RBFOX1: variants seen among roughly 807,000 people sequenced by gnomAD.
RBFOX1 encodes the protein RNA binding protein fox-1 homolog 1.
In RBFOX1, 8 loss-of-function variants were observed where a neutral mutation model predicts 57.7. The observed-to-expected ratio is 0.14, with a 90% CI of 0.08 to 0.25. The LOEUF (loss-of-function observed/expected upper bound fraction) is 0.25, where lower values mean the gene tolerates loss of function less well. RBFOX1 is among the 10% of genes least tolerant of loss of function. The pLI is 1.00. For synonymous variants in RBFOX1, 326 were observed against 222.4 expected (o/e 1.47, Z -4.15); for missense variants, 611 against 548.5 (o/e 1.11, Z -1.14).
intron 3 of RBFOX1, among the ~76,000 whole-genome samples, chr16:6,976,973 T>C (rs1012085730): frequency 1.4e-5 from 2 of 143,624 alleles, no homozygotes; most frequent in Non-Finnish European, 3.0e-5. Flanking sequence ...ATATCCTATA[T>C]CACATATCAT....
At position 6,977,272 on chromosome 16, in the gene RBFOX1, G is replaced by C. The variant is rs982441404; in HGVS notation, c.-15-74785G>C. ...CTTGGGCAGATTTGCTCTGCTACAA[G>C]GGTTTGTGATAAAGGATTAATTTTC... On this transcript the variant is annotated intron_variant, in intron 3 of 15. Transcript: ENST00000550418. Among the ~76,000 whole-genome samples, 5 of 150,962 alleles carry C rather than the reference G, an allele frequency of 3.3e-5. No homozygotes were observed. In the Admixed American group the frequency reaches 3.3e-4, roughly 10 times the overall value.
At chr16:5,349,931 C>T (rs1261864850) in intron 1 of RBFOX1, among the ~76,000 whole-genome samples, 2 of 152,134 alleles carry the variant, frequency 1.3e-5, no homozygotes, top group South Asian at 4.1e-4. Flanking sequence ...TGTGCTCCTT[C>T]CCAGCACAAG....
At chr16:5,359,570 T>C (rs1305724466) in intron 1 of RBFOX1, among the ~76,000 whole-genome samples, 1 of 152,244 alleles carries the variant, frequency 6.6e-6, no homozygotes, top group Non-Finnish European at 1.5e-5. Context: ...TTAGGGATGT[T>C]GAGCATCTTT....
At chr16:7,673,079 A>T (rs557703734) in intron 13 of RBFOX1, among the ~76,000 whole-genome samples, 1 of 151,960 alleles carries the variant, frequency 6.6e-6, no homozygotes, top group East Asian at 1.9e-4. Flanking sequence ...TTACTTTCCT[A>T]TGCACTCCAG....
chr16:5,606,685 T>C (rs982764140), intron 3 of RBFOX1, among the ~76,000 whole-genome samples: 4 of 151,698 alleles, frequency 2.6e-5, no homozygotes, highest in Admixed American at 2.6e-4. Flanking sequence ...CTGATTGCTT[T>C]GTAGTGTAGG....
intron 4 of RBFOX1, among the ~76,000 whole-genome samples, chr16:7,310,057 C>T (rs2096274067): frequency 6.6e-6 from 1 of 152,246 alleles, no homozygotes; most frequent in African/African-American, 2.4e-5. Flanking sequence ...GCTTGCCTCA[C>T]CCAGCCCTAT....
rs764717686 is a variant in RBFOX1 at position 5,646,848 on chromosome 16, T to C, written c.318+47887T>C. Among the ~76,000 whole-genome samples, 73 of 152,064 alleles carry C rather than the reference T, an allele frequency of 4.8e-4. 1 individual carries two copies. The highest frequency in any genetic ancestry group is 1.6e-4 in the Non-Finnish European group (11 of 68,018). On this transcript the variant is annotated intron_variant, in intron 3 of 19. Transcript: ENST00000641259. ...CAGGGTTTCACTGTGTTAGCCAGGA[T>C]GGTCTCAATCTCTTGACCTCATGAT...
intron 4 of RBFOX1, among the ~76,000 whole-genome samples, chr16:7,394,655 T>C (rs1165588177): frequency 6.6e-6 from 1 of 152,180 alleles, no homozygotes; most frequent in African/African-American, 2.4e-5. Context: ...CCACCTCCCT[T>C]TTCAGTTTAC....
intron 2 of RBFOX1, among the ~76,000 whole-genome samples, chr16:6,621,714 C>T (rs765968439): frequency 3.9e-5 from 6 of 152,120 alleles, no homozygotes; most frequent in Non-Finnish European, 7.4e-5. Flanking sequence ...GGCTAATGCT[C>T]GTTAGCTCTG....
At chr16:6,381,458 G>A (rs1326338643) in intron 2 of RBFOX1, among the ~76,000 whole-genome samples, 1 of 152,168 alleles carries the variant, frequency 6.6e-6, no homozygotes, top group Non-Finnish European at 1.5e-5. Context: ...TGATGACCTT[G>A]CAGGAAGTCA....
intron 3 of RBFOX1, among the ~76,000 whole-genome samples, chr16:6,860,402 G>C (rs117720720): frequency 6.6e-6 from 1 of 152,318 alleles, no homozygotes; most frequent in South Asian, 2.1e-4. Context: ...AAATCTGCAA[G>C]TCTTACAAAA....
At chr16:5,333,032 A>G (rs2064799077) in intron 1 of RBFOX1, among the ~76,000 whole-genome samples, 2 of 152,030 alleles carry the variant, frequency 1.3e-5, no homozygotes, top group African/African-American at 2.4e-5. Context: ...TTAAAAATAC[A>G]AAAAAATTAG....
chr16:7,157,165 C>A (rs908065872), intron 4 of RBFOX1, among the ~76,000 whole-genome samples: 2 of 152,190 alleles, frequency 1.3e-5, no homozygotes, highest in African/African-American at 4.8e-5. Flanking sequence ...GCAAACTCAC[C>A]TGAGCATCGT....
At chr16:5,386,051 G>A (rs11862946) in intron 1 of RBFOX1, among the ~76,000 whole-genome samples, 75,788 of 151,552 alleles carry the variant, frequency 0.5, 19,332 homozygotes, top group Non-Finnish European at 0.55. Context: ...AAGGGACTGT[G>A]TTTGCCAAGA....
intron 4 of RBFOX1, among the ~76,000 whole-genome samples, chr16:7,487,127 T>C (rs2065617476): frequency 6.6e-6 from 1 of 152,120 alleles, no homozygotes; most frequent in African/African-American, 2.4e-5. Flanking sequence ...CTCGAACACC[T>C]GACCTCAGGT....
At chr16:7,323,846 G>T (rs1285572804) in intron 4 of RBFOX1, among the ~76,000 whole-genome samples, 2 of 152,176 alleles carry the variant, frequency 1.3e-5, no homozygotes, top group African/African-American at 4.8e-5. Context: ...CCTAGCACAG[G>T]TCTGATACAT....
At chr16:7,433,708 A>G (rs1000274527) in intron 4 of RBFOX1, among the ~76,000 whole-genome samples, 2 of 152,180 alleles carry the variant, frequency 1.3e-5, no homozygotes, top group South Asian at 2.1e-4. Flanking sequence ...CCTTCTGTCC[A>G]TCCATCTGTT....
At chr16:6,637,374 A>T (rs1260244035) in intron 2 of RBFOX1, among the ~76,000 whole-genome samples, 2 of 86,710 alleles carry the variant, frequency 2.3e-5, no homozygotes, top group African/African-American at 1.0e-4. Flanking sequence ...TATAATATAT[A>T]ATATACAAAT....
intron 2 of RBFOX1, among the ~76,000 whole-genome samples, chr16:5,490,382 C>G (rs532004265): frequency 7.2e-5 from 11 of 152,208 alleles, no homozygotes; most frequent in African/African-American, 2.7e-4. Context: ...CTCAGGGGCA[C>G]CTGGAACCAG....
Sources: allele counts gnomAD v4.1 joint callset (sites outside exome capture counted in the v4.1 genomes callset), GRCh38; gene constraint gnomAD v4.1.1; transcripts MANE v1.5; gene names NCBI Gene and HGNC (gene_info 2026-07-23, HGNC 2026-07-21).